The following TASP1 variants were observed in gnomAD, a reference collection of about 807,000 sequenced individuals.
TASP1 encodes the protein taspase 1, also known as threonine aspartase 1.
In TASP1, 16 loss-of-function variants were observed where a neutral mutation model predicts 56.6. The observed-to-expected ratio is 0.28, with a 90% CI of 0.19 to 0.43. TASP1 has a LOEUF of 0.43. TASP1 is among the 20% of genes least tolerant of loss of function. The pLI, the probability that TASP1 is intolerant of heterozygous loss-of-function variation, is 1.00. For synonymous variants in TASP1, 179 were observed against 184.2 expected (o/e 0.97, Z 0.23); for missense variants, 393 against 511.6 (o/e 0.77, Z 2.24).
At chr20:13,455,873 A>G (rs1407515012) in intron 11 of TASP1, among the ~76,000 whole-genome samples, 3 of 152,140 alleles carry the variant, frequency 2.0e-5, no homozygotes, top group African/African-American at 7.2e-5. Flanking sequence ...TTCACAAGGC[A>G]ATAGATATCT....
At chr20:13,201,756 T>TC in the TASP1 span, among the ~76,000 whole-genome samples, 5 of 145,268 alleles carry the variant, frequency 3.4e-5, no homozygotes, top group Non-Finnish European at 3.0e-5. Context: ...ATGGTAAACT[T>TC]TTTTTTTTTT....
At chr20:13,327,227 T>A in the TASP1 span, among the ~76,000 whole-genome samples, 15 of 151,834 alleles carry the variant, frequency 9.9e-5, no homozygotes, top group African/African-American at 3.6e-4. Flanking sequence ...ACAAAAAGAA[T>A]AAAATACCCA....
At chr20:13,343,106 A>G in the TASP1 span, among the ~76,000 whole-genome samples, 3 of 152,162 alleles carry the variant, frequency 2.0e-5, no homozygotes, top group South Asian at 6.2e-4. Flanking sequence ...TGTCCCTTCA[A>G]CGGCCTCTCT....
At chr20:13,351,106 A>G in the TASP1 span, among the ~76,000 whole-genome samples, 1 of 152,236 alleles carries the variant, frequency 6.6e-6, no homozygotes, top group Non-Finnish European at 1.5e-5. Context: ...CCTATTAAGG[A>G]ATAGGAAACT....
the TASP1 span, among the ~76,000 whole-genome samples, chr20:13,214,444 G>GGT: frequency 2.0e-5 from 3 of 151,824 alleles, no homozygotes; most frequent in Non-Finnish European, 4.4e-5. Flanking sequence ...GGGCAACAGT[G>GGT]GTGACTAGGA....
At position 13,566,614 on chromosome 20, in the gene TASP1, T is replaced by G. The variant is rs148527885; in HGVS notation, c.568+2893A>C. Among the ~76,000 whole-genome samples the G allele has an allele frequency of 4.8e-4, 72 of 151,380 alleles. No homozygotes were observed. In the East Asian group the frequency reaches 0.013, roughly 28 times the overall value. On this transcript the variant is annotated intron_variant, in intron 7 of 13. Coordinates refer to ENST00000337743, the MANE Select transcript of TASP1 (RefSeq NM_017714.3). ...TCTGTATGATACCATTTATATTACA[T>G]TCTTGAAATGACAAAATTATACAAA...
chr20:13,215,289 A>C, the TASP1 span, among the ~76,000 whole-genome samples: 1 of 152,170 alleles, frequency 6.6e-6, no homozygotes, highest in Non-Finnish European at 1.5e-5. Context: ...CCTTCCCAAC[A>C]TGTAGACCCC....
chr20:13,195,853 T>C, the TASP1 span, among the ~76,000 whole-genome samples: 1 of 152,232 alleles, frequency 6.6e-6, no homozygotes, highest in Non-Finnish European at 1.5e-5. Context: ...TTTCATTTTC[T>C]ATGCATAGTA....
intron 4 of TASP1, among the ~76,000 whole-genome samples, chr20:13,588,111 A>G (rs1217722074): frequency 6.6e-6 from 1 of 152,122 alleles, no homozygotes; most frequent in East Asian, 1.9e-4. Context: ...AGTTAACATT[A>G]TAATTAATGG....
intron 8 of TASP1, among the ~76,000 whole-genome samples, chr20:13,556,370 C>G (rs2046156457): frequency 2.0e-5 from 3 of 152,186 alleles, no homozygotes; most frequent in Admixed American, 2.0e-4. Flanking sequence ...AGTCTCCCAA[C>G]TTCTACTCTT....
chr20:13,262,074 T>C, the TASP1 span, among the ~76,000 whole-genome samples: 2 of 152,210 alleles, frequency 1.3e-5, no homozygotes, highest in Non-Finnish European at 2.9e-5. Flanking sequence ...CCTCTTCAAA[T>C]TGGGTCCTGG....
chr20:13,457,094 G>C (rs1270097398), intron 11 of TASP1, among the ~76,000 whole-genome samples: 1 of 151,926 alleles, frequency 6.6e-6, no homozygotes, highest in African/African-American at 2.4e-5. Flanking sequence ...ACACAGGGCA[G>C]TGAACATCAC....
At chr20:13,408,731 C>T (rs1035214298) in intron 13 of TASP1, among the ~76,000 whole-genome samples, 1 of 152,018 alleles carries the variant, frequency 6.6e-6, no homozygotes, top group Non-Finnish European at 1.5e-5. Flanking sequence ...AGTTGGTTTT[C>T]TTCAACAAAT....
intron 10 of TASP1, among the ~76,000 whole-genome samples, chr20:13,493,171 CA>C (rs2043599545): frequency 6.6e-6 from 1 of 152,058 alleles, no homozygotes; most frequent in South Asian, 2.1e-4. Context: ...AACAAACAAA[CA>C]AAAAAACCTT....
At chr20:13,346,560 G>A in the TASP1 span, among the ~76,000 whole-genome samples, 76 of 152,338 alleles carry the variant, frequency 5.0e-4, no homozygotes, top group African/African-American at 1.8e-3. Flanking sequence ...CACTATGCTA[G>A]CAGCACTGCC....
chr20:13,456,339 C>T (rs1039298376), intron 11 of TASP1, among the ~76,000 whole-genome samples: 1 of 152,050 alleles, frequency 6.6e-6, no homozygotes, highest in Non-Finnish European at 1.5e-5. Context: ...AGTCCTCTAC[C>T]ACAACAACAT....
chr20:13,535,266 T>C (rs1404837445), intron 8 of TASP1, among the ~76,000 whole-genome samples: 1 of 152,172 alleles, frequency 6.6e-6, no homozygotes, highest in African/African-American at 2.4e-5. Flanking sequence ...TTTAGCAACA[T>C]TGAAGAGTTT....
chr20:13,259,015 G>C, the TASP1 span, among the ~76,000 whole-genome samples: 1 of 152,200 alleles, frequency 6.6e-6, no homozygotes, highest in African/African-American at 2.4e-5. Context: ...GGGCGCAATG[G>C]CTCATGCCTG....
chr20:13,435,151 G>A lies in TASP1; in HGVS notation c.989C>T (p.Ser330Leu). Residue 330 changes from serine to leucine, a missense_variant, in exon 12 of 14, where the codon TCA (serine) becomes TTA (leucine). By Grantham distance (145) the Ser-to-Leu change is moderately radical. Around this residue, in one of 3 missense-constraint regions of TASP1, gnomAD observed 293 missense variants for 354.2 expected, o/e 0.83. Coordinates refer to ENST00000337743, the MANE Select transcript of TASP1 (RefSeq NM_017714.3). Reference sequence around the variant, plus strand: ...GCCATCTTCACTGGCAAGGAAAGGTGAACCTAGGCAGAAAGGACTAGTAGT... The same window carrying A: ...GCCATCTTCACTGGCAAGGAAAGGTAAACCTAGGCAGAAAGGACTAGTAGT... ...LETMQNKFISSPFLASEDGVL... is the reference protein window; with the variant it reads ...LETMQNKFISLPFLASEDGVL... 6.3e-7 allele frequency: 1 copy of A among 1,598,546 alleles called. No individual in the cohort carries two copies. Among genetic ancestry groups the A allele is most frequent in the Non-Finnish European group, 8.5e-7 (1 of 1,172,226 alleles).
Sources: allele counts gnomAD v4.1 joint callset (sites outside exome capture counted in the v4.1 genomes callset), GRCh38; gene constraint gnomAD v4.1.1; regional missense constraint gnomAD v4.1.1; transcripts MANE v1.5; gene names NCBI Gene and HGNC (gene_info 2026-07-23, HGNC 2026-07-21).